ALS2: variants seen among roughly 807,000 people sequenced by gnomAD.
ALS2 encodes alsin.
In ALS2, 117 loss-of-function variants were observed where a neutral mutation model predicts 203.4. The ratio of observed to expected loss-of-function variants is 0.58; its 90% CI spans 0.50 to 0.67. The LOEUF is 0.67. Among genes scored for constraint, ALS2 ranks in the 30% least tolerant of loss-of-function variants. The pLI is 0.00. For synonymous variants in ALS2, 718 were observed against 725.9 expected, an observed-to-expected ratio of 0.99 and a Z score of 0.17; for missense variants, 1,715 against 1,989.4, an observed-to-expected ratio of 0.86 and a Z score of 2.62.
chr2:201,773,671 C>T (rs893634732), intron 1 of ALS2, among the ~76,000 whole-genome samples: 6 of 152,094 alleles, frequency 3.9e-5, no homozygotes, highest in African/African-American at 1.4e-4. Flanking sequence ...AGCTGCTAAA[C>T]TTGGGAGGGC....
rs946377431 is a variant in ALS2 at position 201,748,965 on chromosome 2, C to T, written c.1815+747G>A. On this transcript the variant is annotated intron_variant, in intron 8 of 33. Transcript: ENST00000264276. ...CTCCAGAGGGAGCATGTCTTGGGAACGGGGAGATATCAGAATCCAACTACA... is the reference window on the plus strand; with the variant it reads ...CTCCAGAGGGAGCATGTCTTGGGAATGGGGAGATATCAGAATCCAACTACA... Among the ~76,000 whole-genome samples the T allele has an allele frequency of 3.3e-4, 50 of 152,096 alleles. 1 individual carries two copies. Among genetic ancestry groups the T allele is most frequent in the African/African-American group, 8.9e-4 (37 of 41,418 alleles).
chr2:201,777,701 C>T (rs1308641576), intron 1 of ALS2, among the ~76,000 whole-genome samples: 4 of 152,102 alleles, frequency 2.6e-5, no homozygotes, highest in African/African-American at 9.7e-5. Context: ...CCCATTCCCA[C>T]GTTTTCATAT....
chr2:201,727,710 A>G lies in ALS2; in HGVS notation c.2907T>C (p.Gly969=). 3 of 1,551,652 alleles carry G rather than the reference A, an allele frequency of 1.9e-6. No homozygotes were observed. The highest frequency in any genetic ancestry group is 2.6e-6 in the Non-Finnish European group (3 of 1,146,998). Residue 969 remains glycine, a synonymous_variant, in exon 16 of 34, where the codon GGT becomes GGC. Transcript: ENST00000264276. ...LWAEPLSEEA[G]GVNGLKITTP... ...GGGAGGGGGGACGCACTTACACACC[A>G]CCAGCTTCTTCAGACAGTGGCTCTG... is the stretch of plus-strand genomic sequence containing the variant.
chr2:201,753,464 G>A lies in ALS2; in HGVS notation c.1641-222C>T, dbSNP rs947557559. 9.2e-5 allele frequency among the ~76,000 whole-genome samples: 14 copies of A among 152,224 alleles called. No homozygotes were observed. In the South Asian group the frequency reaches 1.5e-3, roughly 16 times the overall value. On this transcript the variant is annotated intron_variant, in intron 6 of 33. Coordinates refer to ENST00000264276, the MANE Select transcript of ALS2 (RefSeq NM_020919.4). The stretch of plus-strand genomic sequence containing the variant: ...ATCACTAATTAATCCCCATAATTTA[G>A]AATCTGTTAAGAATCATAAAACTAC...
chr2:201,711,124 G>C lies in ALS2; in HGVS notation c.4005-16C>G, dbSNP rs1163595491. 1.4e-6 allele frequency: 2 copies of C among 1,469,838 alleles called. No individual in the cohort carries two copies. Among genetic ancestry groups the C allele is most frequent in the East Asian group, 2.3e-5 (1 of 44,138 alleles). 91.0% of individuals were successfully genotyped at this position (1,469,838 alleles called of 1,614,324 possible). On this transcript the variant is annotated splice_polypyrimidine_tract_variant and intron_variant, in intron 25 of 33. Transcript: ENST00000264276. Reference sequence around the variant, plus strand: ...TATTTCTGGACTATAAAAAGGGAAAGAAAAGTCTGTTGTATTTCACATCAA... The same window carrying C: ...TATTTCTGGACTATAAAAAGGGAAACAAAAGTCTGTTGTATTTCACATCAA...
intron 20 of ALS2, 87 bp from the exon 21 acceptor site, chr2:201,724,546 C>T (rs896299487): frequency 4.0e-6 from 5 of 1,259,418 alleles, no homozygotes; most frequent in Non-Finnish European, 5.8e-6. Context: ...CAAAACCATA[C>T]TCAGTCTCAC....
rs142236864 is a variant in ALS2, at chr2:201,717,107, G to GGT, written c.3836+968_3836+969dup. Among the ~76,000 whole-genome samples the GGT allele has an allele frequency of 2.3e-3, 347 of 151,052 alleles. 2 individuals carry two copies. The highest frequency in any genetic ancestry group is 2.1e-3 in the Non-Finnish European group (144 of 67,668). On this transcript the variant is annotated intron_variant, in intron 24 of 33. Coordinates refer to ENST00000264276, the MANE Select transcript of ALS2 (RefSeq NM_020919.4). ...ATGCAGATTTTACTATTCCACTTGG[G>GGT]GTGTGTGTGTGTGTGTATGTTCTTT...
At chr2:201,703,876 C>A (rs969083769) in intron 33 of ALS2, among the ~76,000 whole-genome samples, 2 of 152,100 alleles carry the variant, frequency 1.3e-5, no homozygotes, top group Admixed American at 6.5e-5. Context: ...ACATTTATAA[C>A]AGTTTGATCA....
intron 1 of ALS2, among the ~76,000 whole-genome samples, chr2:201,772,109 C>A (rs1158390075): frequency 6.6e-6 from 1 of 152,204 alleles, no homozygotes; most frequent in Admixed American, 6.5e-5. Context: ...TGTAAAGTAA[C>A]AAAACCCCAG....
intron 25 of ALS2, 104 bp from the exon 26 acceptor site, chr2:201,711,212 CATCCAACG>C: frequency 2.6e-6 from 2 of 780,676 alleles, no homozygotes; most frequent in Non-Finnish European, 4.5e-6. Flanking sequence ...CAAAGTGGAG[CATCCAACG>C]TAGTACTAAA....
Position 201,761,330 on chromosome 2 carries a change from A to T in ALS2, c.664T>A (p.Ser222Thr). The change falls in exon 4 of 34, where the codon TCC (serine) becomes ACC (threonine). Residue 222 changes from serine (S) to threonine (T), a missense_variant. Ser to Thr is a moderately conservative substitution (Grantham distance 58, BLOSUM62 1). Coordinates refer to ENST00000264276, the MANE Select transcript of ALS2 (RefSeq NM_020919.4). ...TCTGGGACTGGCTTCAGATCCTGGG[A>T]AGGGAGGCATTGTACAAGGGCTAAG... is the stretch of plus-strand genomic sequence containing the variant. ...HSLALVQCLP[S>T]QDLKPVPERC... 1 of 1,614,072 alleles carries T rather than the reference A, an allele frequency of 6.2e-7. No individual in the cohort carries two copies. Among genetic ancestry groups the T allele is most frequent in the Non-Finnish European group, 8.5e-7 (1 of 1,180,020 alleles).
At chr2:201,761,972 C>T (rs1693797871) in intron 3 of ALS2, among the ~76,000 whole-genome samples, 154 bp from the exon 4 acceptor site, 1 of 152,170 alleles carries the variant, frequency 6.6e-6, no homozygotes, top group African/African-American at 2.4e-5. Flanking sequence ...TTCAAGCACA[C>T]AGTATTTCAC....
chr2:201,773,748 G>C (rs553870917), intron 1 of ALS2, among the ~76,000 whole-genome samples: 1 of 152,086 alleles, frequency 6.6e-6, no homozygotes, highest in Non-Finnish European at 1.5e-5. Context: ...AGAAAGGAAA[G>C]CGCAGTGTCA....
At chr2:201,773,719 T>C (rs1233837247) in intron 1 of ALS2, among the ~76,000 whole-genome samples, 1 of 152,154 alleles carries the variant, frequency 6.6e-6, no homozygotes, top group African/African-American at 2.4e-5. Context: ...ATAGATAATG[T>C]CATTGGGTAT....
chr2:201,767,186 T>C (rs1459102234), intron 3 of ALS2, 43 bp downstream of exon 3: 2 of 1,613,266 alleles, frequency 1.2e-6, no homozygotes, highest in Non-Finnish European at 1.7e-6. Flanking sequence ...CAGGCATTTG[T>C]TAGCATTGCA....
chr2:201,718,322 C>A (rs1297908547), intron 23 of ALS2, 112 bp from the exon 24 acceptor site: 1 of 1,207,744 alleles, frequency 8.3e-7, no homozygotes, highest in Non-Finnish European at 1.2e-6. Context: ...TGCAGTGATG[C>A]GATCTTGGCT....
At chr2:201,760,279 C>G (rs1271475994) in intron 4 of ALS2, 3 of 938,336 alleles carry the variant, frequency 3.2e-6, no homozygotes, top group Non-Finnish European at 3.8e-6. Flanking sequence ...TTACTGCACT[C>G]CAGCCTGGGT....
At chr2:201,708,860 C>G (rs1689876676) in intron 27 of ALS2, among the ~76,000 whole-genome samples, 1 of 125,682 alleles carries the variant, frequency 8.0e-6, no homozygotes, top group African/African-American at 2.9e-5. Context: ...GCACCTCCAT[C>G]TGCCCTAATT....
intron 1 of ALS2, 57 bp from the exon 2 acceptor site, chr2:201,769,002 TAAAA>T (rs10655798): frequency 4.8e-6 from 3 of 623,260 alleles, no homozygotes; most frequent in Non-Finnish European, 7.8e-6. Context: ...CCTCAGACAT[TAAAA>T]AAAAAAAAAG....
Sources: allele counts gnomAD v4.1 joint callset (sites outside exome capture counted in the v4.1 genomes callset), GRCh38; gene constraint gnomAD v4.1.1; transcripts MANE v1.5; gene names NCBI Gene and HGNC (gene_info 2026-07-23, HGNC 2026-07-21).